The following DCTD variants were observed in gnomAD, a reference collection of about 807,000 sequenced individuals.
DCTD encodes dCMP deaminase, also known as deoxycytidylate deaminase.
DCTD carries 23 observed loss-of-function variants against 21.0 expected under a neutral mutation model. The observed-to-expected ratio is 1.09, with a 90% confidence interval of 0.79 to 1.55. The LOEUF (loss-of-function observed/expected upper bound fraction) is 1.55, where lower values mean the gene tolerates loss of function less well. Ranked by LOEUF, DCTD falls within the 40% of genes most tolerant of loss-of-function variation. DCTD has a pLI of 0.00. For missense variants in DCTD, 224 were observed against 230.0 expected (o/e 0.97, Z 0.17); for synonymous variants, 71 against 81.1 (o/e 0.88, Z 0.67).
chr4:182,901,381 A>C (rs1161767302), intron 3 of DCTD, among the ~76,000 whole-genome samples: 2 of 152,158 alleles, frequency 1.3e-5, no homozygotes, highest in African/African-American at 4.8e-5. Flanking sequence ...TTGCTTAAAA[A>C]TCCCTCATTT....
intron 1 of DCTD, chr4:182,915,830 G>T (rs1043621927): frequency 1.7e-6 from 2 of 1,167,452 alleles, no homozygotes; most frequent in East Asian, 4.3e-5. Flanking sequence ...TCTATTTACT[G>T]CTTTCTCATA....
intron 3 of DCTD, among the ~76,000 whole-genome samples, chr4:182,907,401 G>C (rs1215900658): frequency 6.6e-6 from 1 of 152,156 alleles, no homozygotes; most frequent in Non-Finnish European, 1.5e-5. Context: ...GCTTCCCAAC[G>C]TGCTGGGATT....
chr4:182,913,015 A>C (rs1737992476), intron 3 of DCTD, among the ~76,000 whole-genome samples: 1 of 152,216 alleles, frequency 6.6e-6, no homozygotes, highest in Non-Finnish European at 1.5e-5. Context: ...TGGCCGTCAC[A>C]CAGTTCAATG....
intron 3 of DCTD, among the ~76,000 whole-genome samples, chr4:182,897,158 CAG>C (rs1734873747): frequency 6.6e-6 from 1 of 152,218 alleles, no homozygotes; most frequent in African/African-American, 2.4e-5. Flanking sequence ...CCATATGAAA[CAG>C]ATTCTCTTGG....
intron 3 of DCTD, among the ~76,000 whole-genome samples, chr4:182,912,112 A>AT (rs1245821866): frequency 6.7e-6 from 1 of 150,078 alleles, no homozygotes; most frequent in Non-Finnish European, 1.5e-5. Context: ...GTATCCCCTT[A>AT]TTTTTTAAAT....
chr4:182,916,648 G>C, intron 1 of DCTD: 2 of 1,007,970 alleles, frequency 2.0e-6, no homozygotes, highest in Non-Finnish European at 2.4e-6. Context: ...GAAAAGACAG[G>C]TGCTGAATCA....
chr4:182,915,851 T>C (rs968170614), intron 1 of DCTD: 2 of 1,177,066 alleles, frequency 1.7e-6, no homozygotes, highest in Non-Finnish European at 2.1e-6. Context: ...GGATTTTTTA[T>C]GCCAGCCTAC....
intron 5 of DCTD, among the ~76,000 whole-genome samples, chr4:182,892,578 A>G (rs1378185916): frequency 6.6e-6 from 1 of 151,990 alleles, no homozygotes; most frequent in African/African-American, 2.4e-5. Context: ...GCAGTGAGCC[A>G]GGATCGCACC....
At chr4:182,897,910 C>T (rs1319081935) in intron 3 of DCTD, among the ~76,000 whole-genome samples, 2 of 152,188 alleles carry the variant, frequency 1.3e-5, no homozygotes, top group Non-Finnish European at 2.9e-5. Flanking sequence ...CTATCAGCTC[C>T]AGGATCTCCA....
rs186655562 is a variant in DCTD, at chr4:182,904,313, C to T, written c.245-9708G>A. 2.0e-5 allele frequency among the ~76,000 whole-genome samples: 3 copies of T among 152,334 alleles called. No individual in the cohort carries two copies. The East Asian group carries it at 5.8e-4, about 29-fold the overall frequency. On this transcript the variant is annotated intron_variant, in intron 3 of 5. Transcript: ENST00000438320. ...GGAGGAGGATGTGGAAATAGCTGTACTGCATCCACGGTAGGCCATGCCAAC... is the reference window on the plus strand; with the variant it reads ...GGAGGAGGATGTGGAAATAGCTGTATTGCATCCACGGTAGGCCATGCCAAC...
In DCTD at chr4:182,890,337, C is replaced by G. The variant is rs1179513436; in HGVS notation, c.*1062G>C. On this transcript the variant is annotated 3_prime_UTR_variant, in exon 6 of 6. Transcript: ENST00000438320. ...GGGGCACAGCCACACGCTCCCCGCCCCGCGGTGATTAGGAAGGTGATGCTT... is the reference window on the plus strand; with the variant it reads ...GGGGCACAGCCACACGCTCCCCGCCGCGCGGTGATTAGGAAGGTGATGCTT... 1 of 152,226 alleles carries G rather than the reference C, an allele frequency of 6.6e-6. No homozygotes were observed. The highest frequency in any genetic ancestry group is 2.4e-5 in the African/African-American group (1 of 41,450). 9.4% of individuals were successfully genotyped at this position (152,226 alleles called of 1,614,324 possible). A position where few individuals can be genotyped will look rare whatever the true frequency, so the allele number is the denominator to read the frequency against.
intron 3 of DCTD, among the ~76,000 whole-genome samples, chr4:182,906,046 C>T (rs573608771): frequency 2.6e-5 from 4 of 152,254 alleles, no homozygotes; most frequent in South Asian, 4.1e-4. Context: ...GCACCCACCC[C>T]CTCCAAGGCC....
rs537597700 is a variant in DCTD, at chr4:182,910,644, A to G, written c.244+4279T>C. Among the ~76,000 whole-genome samples, 93 of 152,282 alleles carry G rather than the reference A, an allele frequency of 6.1e-4. 1 individual carries two copies. The highest frequency in any genetic ancestry group is 1.1e-3 in the Non-Finnish European group (76 of 68,020). On this transcript the variant is annotated intron_variant, in intron 3 of 5. Coordinates refer to ENST00000438320, the MANE Select transcript of DCTD (RefSeq NM_001921.3). ...CTGAAAAGATTCTTAGTATAATAAC[A>G]TTGCCTTCTTCCTGCCACTTAATGT... is the stretch of plus-strand genomic sequence containing the variant.
At chr4:182,892,849 T>C (rs1361874732) in intron 5 of DCTD, among the ~76,000 whole-genome samples, 182 bp downstream of exon 5, 1 of 152,232 alleles carries the variant, frequency 6.6e-6, no homozygotes, top group Admixed American at 6.5e-5. Context: ...GTCTTCAGAT[T>C]TTCCTGTCAC....
intron 4 of DCTD, among the ~76,000 whole-genome samples, chr4:182,894,034 C>T (rs1036362171): frequency 1.5e-4 from 23 of 152,182 alleles, no homozygotes; most frequent in Non-Finnish European, 2.5e-4. Context: ...AAGGTAGTGC[C>T]ATTTGGGTCT....
At chr4:182,913,695 G>C (rs993816765) in intron 3 of DCTD, among the ~76,000 whole-genome samples, 5 of 152,202 alleles carry the variant, frequency 3.3e-5, no homozygotes, top group African/African-American at 1.2e-4. Context: ...GCGCCAGTCT[G>C]TTCATTCTCA....
Position 182,914,876 on chromosome 4 carries a change from C to T in DCTD, c.244+47G>A, listed in dbSNP as rs370788736. The T allele has an allele frequency of 6.7e-5, 108 of 1,611,010 alleles. No individual in the cohort carries two copies. The African/African-American group carries it at 1.3e-3, about 20-fold the overall frequency. On this transcript the variant is annotated intron_variant, in intron 3 of 5. Coordinates refer to ENST00000438320, the MANE Select transcript of DCTD (RefSeq NM_001921.3). ...TGACCAACTTTCTTAATTAGGCACT[C>T]ACCAGGCTATGTCACTAAGCAGAAT...
At chr4:182,915,432 C>A (rs1192445772) in intron 2 of DCTD, 29 bp downstream of exon 2, 3 of 1,395,106 alleles carry the variant, frequency 2.2e-6, no homozygotes, top group Non-Finnish European at 3.1e-6. Context: ...CTGTGAGTAT[C>A]TAAGCATTCT....
chr4:182,905,075 C>A (rs1736426515), intron 3 of DCTD, among the ~76,000 whole-genome samples: 1 of 152,178 alleles, frequency 6.6e-6, no homozygotes, highest in African/African-American at 2.4e-5. Flanking sequence ...AGCCACCACC[C>A]CACTTCTCTG....
Sources: allele counts gnomAD v4.1 joint callset (sites outside exome capture counted in the v4.1 genomes callset), GRCh38; gene constraint gnomAD v4.1.1; transcripts MANE v1.5; gene names NCBI Gene and HGNC (gene_info 2026-07-23, HGNC 2026-07-21).